Variants in SH3RF3 observed in about 807,000 individuals in gnomAD.
SH3RF3 encodes SH3 domain containing ring finger 3.
A neutral mutation model predicts 66.3 loss-of-function variants in SH3RF3; 29 were observed. The ratio of observed to expected loss-of-function variants is 0.44; its 90% CI spans 0.33 to 0.60. The LOEUF is 0.60. SH3RF3 is among the 20% of genes least tolerant of loss of function. The pLI is 0.04. For missense variants in SH3RF3, 1,194 were observed against 1,190.9 expected, an observed-to-expected ratio of 1.00 and a Z score of -0.04; for synonymous variants, 583 against 532.0, an observed-to-expected ratio of 1.10 and a Z score of -1.32.
intron 4 of SH3RF3, among the ~76,000 whole-genome samples, chr2:109,417,699 C>T (rs556652756): frequency 1.3e-5 from 2 of 152,284 alleles, no homozygotes; most frequent in East Asian, 3.9e-4. Flanking sequence ...CTCGGTTGCA[C>T]CCGCTCATTC....
At chr2:109,242,978 T>C (rs13005715) in intron 1 of SH3RF3, among the ~76,000 whole-genome samples, 45,227 of 152,206 alleles carry the variant, frequency 0.3, 7,587 homozygotes, top group Non-Finnish European at 0.38. Context: ...CGGACTTCCG[T>C]GACTCATGGT....
chr2:109,353,876 T>A (rs1230435605), intron 2 of SH3RF3, among the ~76,000 whole-genome samples: 1 of 152,056 alleles, frequency 6.6e-6, no homozygotes, highest in Non-Finnish European at 1.5e-5. Flanking sequence ...CAGGTTCCCC[T>A]CAGCCCTCAG....
At chr2:109,267,071 A>C (rs1354450313) in intron 1 of SH3RF3, among the ~76,000 whole-genome samples, 2 of 152,330 alleles carry the variant, frequency 1.3e-5, no homozygotes, top group East Asian at 3.9e-4. Context: ...ATACATTATC[A>C]GTGAAGGCAC....
chr2:109,225,129 C>T (rs1055049362), intron 1 of SH3RF3, among the ~76,000 whole-genome samples: 5 of 152,034 alleles, frequency 3.3e-5, no homozygotes, highest in African/African-American at 1.2e-4. Flanking sequence ...CCCTTAAATT[C>T]CCTGGCCTCA....
chr2:109,472,565 C>T (rs982262924), intron 8 of SH3RF3, among the ~76,000 whole-genome samples: 9 of 152,152 alleles, frequency 5.9e-5, no homozygotes, highest in African/African-American at 1.9e-4. Context: ...AACCGACCTG[C>T]GGCTGCCTTC....
chr2:109,481,973 T>C (rs541234481), intron 8 of SH3RF3, among the ~76,000 whole-genome samples: 22 of 152,354 alleles, frequency 1.4e-4, no homozygotes, highest in African/African-American at 5.3e-4. Context: ...TGAAGCAGAC[T>C]CAGACCTCAA....
chr2:109,431,870 CA>C (rs34815374), intron 5 of SH3RF3, among the ~76,000 whole-genome samples: 65 of 142,526 alleles, frequency 4.6e-4, no homozygotes, highest in Admixed American at 3.5e-4. Flanking sequence ...GATGCTGTTT[CA>C]AAAAAAAAAA....
intron 1 of SH3RF3, among the ~76,000 whole-genome samples, chr2:109,328,372 C>T (rs1432942260): frequency 6.6e-6 from 1 of 152,136 alleles, no homozygotes; most frequent in Non-Finnish European, 1.5e-5. Flanking sequence ...GAACATAGTC[C>T]CTTTCCCTGG....
chr2:109,229,398 C>A (rs554722827), intron 1 of SH3RF3, among the ~76,000 whole-genome samples: 1 of 152,148 alleles, frequency 6.6e-6, no homozygotes, highest in East Asian at 1.9e-4. Context: ...TCCTGCCATC[C>A]TTTTTCTGTC....
intron 1 of SH3RF3, among the ~76,000 whole-genome samples, chr2:109,136,650 C>G (rs1676821195): frequency 6.6e-6 from 1 of 152,160 alleles, no homozygotes; most frequent in South Asian, 2.1e-4. Context: ...CAAGAAGAGT[C>G]ACTGCGCTCT....
At chr2:109,209,130 G>T (rs549464995) in intron 1 of SH3RF3, among the ~76,000 whole-genome samples, 1 of 152,196 alleles carries the variant, frequency 6.6e-6, no homozygotes, top group Non-Finnish European at 1.5e-5. Flanking sequence ...TGTTGCCACT[G>T]GGAAGTGGGT....
At chr2:109,473,051 A>C (rs756826645) in intron 8 of SH3RF3, among the ~76,000 whole-genome samples, 1 of 152,250 alleles carries the variant, frequency 6.6e-6, no homozygotes, top group Non-Finnish European at 1.5e-5. Context: ...ACAGGGTCAC[A>C]TGGTGTTGCA....
intron 4 of SH3RF3, among the ~76,000 whole-genome samples, chr2:109,414,912 G>A (rs150923876): frequency 3.3e-5 from 5 of 152,354 alleles, no homozygotes; most frequent in South Asian, 2.1e-4. Context: ...CCCAGAACCT[G>A]AGAATGTGTC....
Position 109,211,843 on chromosome 2 carries a change from A to G in SH3RF3, c.573+81730A>G, listed in dbSNP as rs529817765. Reference sequence around the variant, plus strand: ...TTTTTAGGAGAGACAGGGTTTCCCCATGTTGGCCAGGCTGGTTTCAAACTC... The same window carrying G: ...TTTTTAGGAGAGACAGGGTTTCCCCGTGTTGGCCAGGCTGGTTTCAAACTC... On this transcript the variant is annotated intron_variant, in intron 1 of 9. Transcript: ENST00000309415. Among the ~76,000 whole-genome samples, 6 of 152,184 alleles carry G rather than the reference A, an allele frequency of 3.9e-5. No individual in the cohort carries two copies. The South Asian group carries it at 1.2e-3, about 32-fold the overall frequency.
At position 109,249,467 on chromosome 2, in the gene SH3RF3, C is replaced by CTCTTTCTTTCTTTCTT. The variant is rs759428314; in HGVS notation, c.574-98180_574-98165dup. Among the ~76,000 whole-genome samples, 422 of 99,234 alleles carry CTCTTTCTTTCTTTCTT rather than the reference C, an allele frequency of 4.3e-3. 26 individuals carry two copies. The highest frequency in any genetic ancestry group is 9.5e-3 in the Middle Eastern group (2 of 210). The allele number at this position is 99,234 out of a possible 152,430, so 65.1% of individuals were successfully genotyped here. The stretch of plus-strand genomic sequence containing the variant: ...CAGATCTCTCTCTCTTTCTCTCTTT[C>CTCTTTCTTTCTTTCTT]TCTTTCTTTCTTTCTTTCTTTCTTT... On this transcript the variant is annotated intron_variant, in intron 1 of 9. Coordinates refer to ENST00000309415, the MANE Select transcript of SH3RF3 (RefSeq NM_001099289.3).
intron 2 of SH3RF3, among the ~76,000 whole-genome samples, chr2:109,365,481 T>G (rs1683137206): frequency 6.6e-6 from 1 of 152,210 alleles, no homozygotes; most frequent in Admixed American, 6.5e-5. Context: ...CTTACAGATC[T>G]AAGAAGAGGA....
chr2:109,372,153 G>A (rs1683286351), intron 3 of SH3RF3, among the ~76,000 whole-genome samples: 1 of 152,228 alleles, frequency 6.6e-6, no homozygotes, highest in African/African-American at 2.4e-5. Context: ...GGGTTATTGG[G>A]CAACTCTTCT....
At chr2:109,185,391 A>G (rs1440103763) in intron 1 of SH3RF3, among the ~76,000 whole-genome samples, 1 of 152,218 alleles carries the variant, frequency 6.6e-6, no homozygotes, top group Non-Finnish European at 1.5e-5. Context: ...TGTGCTTTTT[A>G]TCACAGGGAA....
At position 109,296,119 on chromosome 2, in the gene SH3RF3, C is replaced by A. The variant is rs560605597; in HGVS notation, c.574-51555C>A. Among the ~76,000 whole-genome samples the A allele has an allele frequency of 3.3e-5, 5 of 152,258 alleles. No homozygotes were observed. In the East Asian group the frequency reaches 9.7e-4, roughly 29 times the overall value. ...AAGGCTGCTGGGTCCATTCACTGTT[C>A]TCTACGTCTGTGCGCAGCCCCCAAC... is the stretch of plus-strand genomic sequence containing the variant. On this transcript the variant is annotated intron_variant, in intron 1 of 9. Coordinates refer to ENST00000309415, the MANE Select transcript of SH3RF3 (RefSeq NM_001099289.3).
Sources: gnomAD v4.1 joint callset for allele counts (sites outside exome capture counted in the v4.1 genomes callset) on GRCh38, gnomAD v4.1.1 for gene constraint, MANE v1.5 for transcripts, NCBI Gene and HGNC (gene_info 2026-07-23, HGNC 2026-07-21) for gene names.